UBAC2: variants seen among roughly 807,000 people sequenced by gnomAD.
UBAC2 encodes UBA domain containing 2, also known as ubiquitin-associated domain-containing protein 2.
UBAC2 carries 26 observed loss-of-function variants against 44.0 expected under a neutral mutation model. The ratio of observed to expected loss-of-function variants is 0.59; its 90% CI spans 0.43 to 0.82. The LOEUF (loss-of-function observed/expected upper bound fraction) is 0.82. UBAC2 is among the 40% of genes least tolerant of loss of function. UBAC2 has a pLI of 0.00. For synonymous variants in UBAC2, 155 were observed against 154.3 expected (o/e 1.00, Z -0.04); for missense variants, 329 against 419.4 (o/e 0.78, Z 1.88).
chr13:99,242,933 C>T (rs1379739240), intron 2 of UBAC2, among the ~76,000 whole-genome samples: 4 of 150,662 alleles, frequency 2.7e-5, no homozygotes, highest in African/African-American at 7.3e-5. Flanking sequence ...TAGAGACGCT[C>T]CTCACTTCCT....
Position 99,295,689 on chromosome 13 carries a change from T to G in UBAC2, c.390-18408T>G. The G allele has an allele frequency of 3.7e-6, 6 of 1,614,176 alleles. No homozygotes were observed. Among genetic ancestry groups the G allele is most frequent in the Non-Finnish European group, 5.1e-6 (6 of 1,180,036 alleles). ...GCAAATACTAGAATCCAGACAAATA[T>G]GCACACGCCTTTTGCATGTTCAATC... On this transcript the variant is annotated intron_variant, in intron 4 of 8. Coordinates refer to ENST00000403766, the MANE Select transcript of UBAC2 (RefSeq NM_001144072.2). The surrounding 1 kb of genome is among the most constrained non-coding windows in gnomAD (Gnocchi z 4.1).
intron 1 of UBAC2, among the ~76,000 whole-genome samples, chr13:99,219,515 C>T (rs57840599): frequency 1.3e-5 from 2 of 152,164 alleles, no homozygotes; most frequent in African/African-American, 4.8e-5. Context: ...GGGCCATATG[C>T]GACCCAAGAC....
chr13:99,321,628 G>C (rs918303776), intron 6 of UBAC2, among the ~76,000 whole-genome samples: 1 of 152,104 alleles, frequency 6.6e-6, no homozygotes, highest in Non-Finnish European at 1.5e-5. Context: ...TCTCTCCTCG[G>C]TGTCCCTTAT....
chr13:99,201,454 C>G, intron 1 of UBAC2: 1 of 1,614,072 alleles, frequency 6.2e-7, no homozygotes, highest in Non-Finnish European at 8.5e-7. Flanking sequence ...TTTAGACAAA[C>G]ACACACTGAT....
intron 7 of UBAC2, 98 bp from the exon 8 acceptor site, chr13:99,367,689 A>AG: frequency 1.3e-6 from 2 of 1,495,290 alleles, no homozygotes; most frequent in African/African-American, 2.8e-5. Flanking sequence ...CTTCCTTCCC[A>AG]GTCTATAGAT....
intron 4 of UBAC2, among the ~76,000 whole-genome samples, chr13:99,266,826 C>G (rs931903577): frequency 6.6e-6 from 1 of 152,216 alleles, no homozygotes; most frequent in Middle Eastern, 3.2e-3. Context: ...CTGTACCCAT[C>G]ATACAGCAAA....
chr13:99,355,913 C>T (rs975003252), intron 7 of UBAC2, among the ~76,000 whole-genome samples: 4 of 152,220 alleles, frequency 2.6e-5, no homozygotes, highest in African/African-American at 9.6e-5. Context: ...CCCTGCACCT[C>T]CAGGGCCTCC....
At chr13:99,269,059 A>G (rs1175134614) in intron 4 of UBAC2, among the ~76,000 whole-genome samples, 1 of 152,118 alleles carries the variant, frequency 6.6e-6, no homozygotes, top group Admixed American at 6.5e-5. Flanking sequence ...ATAAGGAGTA[A>G]CTTTGCAGCA....
chr13:99,224,380 A>T (rs2043087414), intron 1 of UBAC2, among the ~76,000 whole-genome samples: 1 of 152,136 alleles, frequency 6.6e-6, no homozygotes. Flanking sequence ...TCAACATACA[A>T]ATTTTAGGAG....
chr13:99,298,915 T>G (rs2044216441), intron 4 of UBAC2, among the ~76,000 whole-genome samples: 1 of 152,160 alleles, frequency 6.6e-6, no homozygotes, highest in Non-Finnish European at 1.5e-5. Flanking sequence ...TGAAAATGTA[T>G]TTTTTTCTAA....
At chr13:99,203,054 T>G (rs1178548428) in intron 1 of UBAC2, among the ~76,000 whole-genome samples, 2 of 145,684 alleles carry the variant, frequency 1.4e-5, no homozygotes, top group African/African-American at 5.2e-5. Context: ...TTTATTTATT[T>G]ATTGAGATGG....
intron 7 of UBAC2, among the ~76,000 whole-genome samples, chr13:99,366,569 A>G (rs977007964): frequency 6.6e-6 from 1 of 152,182 alleles, no homozygotes; most frequent in Non-Finnish European, 1.5e-5. Flanking sequence ...GTGGTTCTTA[A>G]TTCTCAGGCA....
intron 4 of UBAC2, among the ~76,000 whole-genome samples, chr13:99,285,517 T>G (rs1396742093): frequency 6.6e-6 from 1 of 151,986 alleles, no homozygotes; most frequent in Non-Finnish European, 1.5e-5. Context: ...CTTAGCCTCC[T>G]GAGTAGCTAG....
chr13:99,267,035 C>T (rs1365724865), intron 4 of UBAC2, among the ~76,000 whole-genome samples: 1 of 152,030 alleles, frequency 6.6e-6, no homozygotes, highest in Non-Finnish European at 1.5e-5. Flanking sequence ...CCCTTCCCTC[C>T]CCTCCCTCCC....
chr13:99,360,622 CT>C (rs1444187600), intron 7 of UBAC2, among the ~76,000 whole-genome samples: 4 of 152,174 alleles, frequency 2.6e-5, no homozygotes, highest in Non-Finnish European at 5.9e-5. Context: ...ACTTAGGCCC[CT>C]TTCTTTGAAC....
At chr13:99,248,001 CGTT>C (rs1159366650) in intron 4 of UBAC2, among the ~76,000 whole-genome samples, 1 of 152,046 alleles carries the variant, frequency 6.6e-6, no homozygotes, top group African/African-American at 2.4e-5. Context: ...TTTAACCTCT[CGTT>C]GTTTCATGAA....
chr13:99,381,729 C>A (rs2045554690), intron 8 of UBAC2, among the ~76,000 whole-genome samples: 1 of 152,190 alleles, frequency 6.6e-6, no homozygotes, highest in South Asian at 2.1e-4. Flanking sequence ...CAGCCTGAGT[C>A]CTCCAGCCCC....
Position 99,295,530 on chromosome 13 carries a change from C to T in UBAC2, c.390-18567C>T. The T allele has an allele frequency of 2.5e-6, 4 of 1,613,850 alleles. No individual in the cohort carries two copies. The highest frequency in any genetic ancestry group is 3.4e-6 in the Non-Finnish European group (4 of 1,179,994). On this transcript the variant is annotated intron_variant, in intron 4 of 8. Coordinates refer to ENST00000403766, the MANE Select transcript of UBAC2 (RefSeq NM_001144072.2). This position sits in a 1 kb window ranked among gnomAD's most constrained non-coding sequence, Gnocchi z 4.1. ...ATGAGAATGATTATAAGTGGAAGTA[C>T]ATATCCTATGAAACATGCCCCAAGC...
chr13:99,237,271 T>TACACACACACACACAC (rs57466771), intron 1 of UBAC2, among the ~76,000 whole-genome samples: 9 of 145,022 alleles, frequency 6.2e-5, no homozygotes, highest in Non-Finnish European at 1.1e-4. Context: ...TATATATATA[T>TACACACACACACACAC]ACACACACAC....
Sources: allele counts gnomAD v4.1 joint callset (sites outside exome capture counted in the v4.1 genomes callset), GRCh38; gene constraint gnomAD v4.1.1; non-coding constraint Gnocchi (gnomAD v3.1); transcripts MANE v1.5; gene names NCBI Gene and HGNC (gene_info 2026-07-23, HGNC 2026-07-21).